SLC9C2: variants seen among roughly 807,000 people sequenced by gnomAD.
The protein encoded by SLC9C2 is solute carrier family 9 member C2 (putative), also known as sodium/hydrogen exchanger 11.
SLC9C2 carries 75 observed loss-of-function variants against 140.2 expected under a neutral mutation model. The ratio of observed to expected loss-of-function variants is 0.53; its 90% CI spans 0.44 to 0.65. The LOEUF is 0.65. SLC9C2 is among the 30% of genes least tolerant of loss of function. The probability of loss-of-function intolerance (pLI) is 0.00; values close to 1 mark genes in which losing one functional copy is unlikely to be tolerated. For synonymous variants in SLC9C2, 375 were observed against 420.9 expected, an observed-to-expected ratio of 0.89 and a Z score of 1.34; for missense variants, 1,074 against 1,331.8, an observed-to-expected ratio of 0.81 and a Z score of 3.01.
intron 9 of SLC9C2, among the ~76,000 whole-genome samples, chr1:173,567,380 C>G (rs1421643223): frequency 6.6e-6 from 1 of 152,052 alleles, no homozygotes; most frequent in Non-Finnish European, 1.5e-5. Context: ...GTCATACCAT[C>G]TTGCTGAATT....
chr1:173,537,176 G>A, intron 13 of SLC9C2, 137 bp from the exon 14 acceptor site: 1 of 637,700 alleles, frequency 1.6e-6, no homozygotes, highest in Non-Finnish European at 2.7e-6. Context: ...TTATGTAGTA[G>A]GAAATAAATA....
intron 13 of SLC9C2, among the ~76,000 whole-genome samples, chr1:173,546,097 C>T (rs1180739565): frequency 6.6e-6 from 1 of 152,122 alleles, no homozygotes; most frequent in Non-Finnish European, 1.5e-5. Flanking sequence ...GATAAAGATA[C>T]CACTTTTTAA....
intron 23 of SLC9C2, 43 bp from the exon 24 acceptor site, chr1:173,509,742 C>T (rs765932097): frequency 1.3e-6 from 2 of 1,552,800 alleles, no homozygotes; most frequent in East Asian, 2.4e-5. Context: ...TGATGTGGAA[C>T]TAAATTACAA....
At chr1:173,518,311 T>G (rs1660569058) in intron 22 of SLC9C2, among the ~76,000 whole-genome samples, 2 of 150,986 alleles carry the variant, frequency 1.3e-5, no homozygotes, top group African/African-American at 4.9e-5. Flanking sequence ...AGTATGCAAC[T>G]AATGCAATCA....
At chr1:173,553,637 T>C (rs967051276) in intron 11 of SLC9C2, among the ~76,000 whole-genome samples, 3 of 152,234 alleles carry the variant, frequency 2.0e-5, no homozygotes, top group East Asian at 3.9e-4. Context: ...GGTATGTAAA[T>C]AGTTTTCTTA....
intron 9 of SLC9C2, among the ~76,000 whole-genome samples, chr1:173,565,949 C>T (rs1664445326): frequency 6.6e-6 from 1 of 151,654 alleles, no homozygotes. Context: ...TGGTTTTTGT[C>T]CTTCATTCTG....
intron 15 of SLC9C2, 80 bp downstream of exon 15, chr1:173,535,750 A>G: frequency 7.2e-7 from 1 of 1,382,652 alleles, no homozygotes; most frequent in Non-Finnish European, 9.5e-7. Context: ...CAAATAAGGA[A>G]AATTGAGATA....
chr1:173,590,346 A>C (rs1666088826), intron 4 of SLC9C2, among the ~76,000 whole-genome samples: 1 of 152,136 alleles, frequency 6.6e-6, no homozygotes, highest in African/African-American at 2.4e-5. Context: ...CAGATTTAGT[A>C]ACCATAAGAA....
At chr1:173,506,150 A>T (rs1034790300) in intron 25 of SLC9C2, among the ~76,000 whole-genome samples, 1 of 152,222 alleles carries the variant, frequency 6.6e-6, no homozygotes, top group African/African-American at 2.4e-5. Flanking sequence ...AGGTTTACCA[A>T]CTTTTCCAGG....
At chr1:173,512,868 G>A (rs546657396) in intron 23 of SLC9C2, among the ~76,000 whole-genome samples, 1 of 152,252 alleles carries the variant, frequency 6.6e-6, no homozygotes, top group South Asian at 2.1e-4. Context: ...GAAGGGATTT[G>A]AATTTTATTG....
chr1:173,589,537 G>T (rs935184117), intron 4 of SLC9C2, among the ~76,000 whole-genome samples: 9 of 151,964 alleles, frequency 5.9e-5, no homozygotes, highest in Admixed American at 1.3e-4. Flanking sequence ...TCTATCCTGG[G>T]TGACAGAGCT....
Position 173,533,793 on chromosome 1 carries a change from A to G in SLC9C2, c.1979T>C (p.Ile660Thr), listed in dbSNP as rs184599547. 1.2e-6 allele frequency: 2 copies of G among 1,601,978 alleles called. No homozygotes were observed. Among genetic ancestry groups the G allele is most frequent in the Non-Finnish European group, 1.7e-6 (2 of 1,172,648 alleles). Residue 660 changes from isoleucine to threonine, a missense_variant, in exon 17 of 28, where the codon ATA becomes ACA. Physicochemically the swap from Ile to Thr is moderately conservative, Grantham distance 89. Transcript: ENST00000367714. ...LYVLESTLKI[I>T]ILKRKYFQQC... The stretch of plus-strand genomic sequence containing the variant: ...TTGAAAATATTTCCTTTTCAAAATT[A>G]TTATCTGTACAGAAAACAAATGTCA...
intron 21 of SLC9C2, among the ~76,000 whole-genome samples, chr1:173,522,567 A>G (rs1318653147): frequency 6.6e-6 from 1 of 152,218 alleles, no homozygotes; most frequent in Non-Finnish European, 1.5e-5. Context: ...CTGGAGGAAA[A>G]TTAGTTTTAG....
chr1:173,557,237 T>A, intron 10 of SLC9C2, 103 bp downstream of exon 10: 1 of 1,118,740 alleles, frequency 8.9e-7, no homozygotes, highest in Non-Finnish European at 1.3e-6. Context: ...ATTTTAAAAA[T>A]CTAATTCAAA....
intron 4 of SLC9C2, among the ~76,000 whole-genome samples, chr1:173,596,107 G>A (rs545544465): frequency 2.4e-4 from 36 of 152,176 alleles, no homozygotes; most frequent in African/African-American, 7.0e-4. Flanking sequence ...TGTGCCTATC[G>A]ATACTCCATT....
intron 13 of SLC9C2, among the ~76,000 whole-genome samples, chr1:173,538,142 T>C (rs371123904): frequency 2.0e-5 from 3 of 152,206 alleles, no homozygotes; most frequent in Non-Finnish European, 2.9e-5. Flanking sequence ...ATAAAGGATA[T>C]GCAAATTCTG....
chr1:173,582,086 C>A, intron 6 of SLC9C2, 78 bp from the exon 7 acceptor site: 1 of 1,167,998 alleles, frequency 8.6e-7, no homozygotes. Context: ...GCATTTGGGT[C>A]TTTGCACTTT....
intron 4 of SLC9C2, among the ~76,000 whole-genome samples, chr1:173,594,012 G>C (rs548257729): frequency 6.6e-6 from 1 of 152,262 alleles, no homozygotes; most frequent in Admixed American, 6.5e-5. Context: ...CAAAGAAAAA[G>C]AGACAATCTG....
At position 173,534,465 on chromosome 1, in the gene SLC9C2, T is replaced by C; in HGVS notation, c.1974+19A>G. The C allele has an allele frequency of 1.3e-6, 2 of 1,530,522 alleles. No individual in the cohort carries two copies. Among genetic ancestry groups the C allele is most frequent in the Non-Finnish European group, 1.7e-6 (2 of 1,144,952 alleles). 94.8% of individuals were successfully genotyped at this position (1,530,522 alleles called of 1,614,324 possible). On this transcript the variant is annotated intron_variant, in intron 16 of 27. Transcript: ENST00000367714. ...TGAATTGCTCTTTTTATAGATTCTA[T>C]TTCTATTTTAAACAGTACCTTCAAT...
Sources: allele counts gnomAD v4.1 joint callset (sites outside exome capture counted in the v4.1 genomes callset), GRCh38; gene constraint gnomAD v4.1.1; transcripts MANE v1.5; gene names NCBI Gene and HGNC (gene_info 2026-07-23, HGNC 2026-07-21).